The following MAF variants were observed in gnomAD, a reference collection of about 807,000 sequenced individuals.
MAF encodes the protein MAF bZIP transcription factor.
Under a neutral mutation model 22.0 loss-of-function variants are expected in MAF, and 10 were observed. That is an observed-to-expected ratio of 0.45 (90% confidence interval 0.28 to 0.77). The LOEUF is 0.77. MAF is among the 30% of genes least tolerant of loss of function. The pLI is 0.12. For synonymous variants in MAF, 337 were observed against 255.8 expected (o/e 1.32, Z -3.03); for missense variants, 544 against 548.4 (o/e 0.99, Z 0.08).
At chr16:79,366,074 AT>A in the MAF span, among the ~76,000 whole-genome samples, 894 of 152,252 alleles carry the variant, frequency 5.9e-3, 5 homozygotes, top group Non-Finnish European at 9.7e-3. Flanking sequence ...TTTCTGTTGT[AT>A]TTTTTATTCA....
chr16:79,569,383 T>G, the MAF span, among the ~76,000 whole-genome samples: 1 of 152,178 alleles, frequency 6.6e-6, no homozygotes, highest in Non-Finnish European at 1.5e-5. Flanking sequence ...CAGGTGAGTT[T>G]CTCTGGATGG....
chr16:79,227,086 C>A, the MAF span, among the ~76,000 whole-genome samples: 3 of 152,076 alleles, frequency 2.0e-5, no homozygotes, highest in East Asian at 3.9e-4. Context: ...CCAGTTAATC[C>A]CAGCCCTTTG....
chr16:79,326,882 C>T, the MAF span, among the ~76,000 whole-genome samples: 1 of 152,182 alleles, frequency 6.6e-6, no homozygotes, highest in Non-Finnish European at 1.5e-5. Flanking sequence ...AGCCTCTGAA[C>T]AGGAAATGAA....
chr16:79,551,396 C>T, the MAF span, among the ~76,000 whole-genome samples: 1 of 152,178 alleles, frequency 6.6e-6, no homozygotes, highest in African/African-American at 2.4e-5. Flanking sequence ...ATGGCAGAAG[C>T]GCATGCCCTG....
the MAF span, among the ~76,000 whole-genome samples, chr16:79,569,585 G>A: frequency 6.6e-6 from 1 of 152,268 alleles, no homozygotes; most frequent in African/African-American, 2.4e-5. Flanking sequence ...GGAAACTCGG[G>A]GTGAGGCCAT....
the MAF span, among the ~76,000 whole-genome samples, chr16:79,286,490 G>C: frequency 1.1e-4 from 16 of 152,316 alleles, no homozygotes; most frequent in Middle Eastern, 3.4e-3. Flanking sequence ...GCAGTATGCT[G>C]TTTCTCATCT....
chr16:79,452,367 C>T, the MAF span, among the ~76,000 whole-genome samples: 1 of 152,094 alleles, frequency 6.6e-6, no homozygotes, highest in African/African-American at 2.4e-5. Context: ...GCCTTAACTA[C>T]ATATATGCAA....
chr16:79,311,710 A>T, the MAF span, among the ~76,000 whole-genome samples: 2 of 152,096 alleles, frequency 1.3e-5, no homozygotes, highest in East Asian at 3.9e-4. Flanking sequence ...CACAGCTTGG[A>T]TGTTTGGTTT....
the MAF span, among the ~76,000 whole-genome samples, chr16:79,539,436 G>C: frequency 1.3e-5 from 2 of 152,132 alleles, no homozygotes; most frequent in Admixed American, 6.5e-5. Flanking sequence ...CCCAGGAGGT[G>C]GAGGTTGCAG....
chr16:79,518,514 G>T, the MAF span, among the ~76,000 whole-genome samples: 1 of 152,200 alleles, frequency 6.6e-6, no homozygotes, highest in African/African-American at 2.4e-5. Flanking sequence ...CACAGGCTCT[G>T]CAGTCAGCTG....
At chr16:79,351,374 C>G in the MAF span, among the ~76,000 whole-genome samples, 1 of 152,126 alleles carries the variant, frequency 6.6e-6, no homozygotes, top group Non-Finnish European at 1.5e-5. Context: ...CACATCTGAA[C>G]GTGGTCCTCC....
chr16:79,541,104 G>A, the MAF span, among the ~76,000 whole-genome samples: 1 of 152,048 alleles, frequency 6.6e-6, no homozygotes, highest in Non-Finnish European at 1.5e-5. Context: ...TACTAGAGCT[G>A]CTGCTACTGA....
the MAF span, among the ~76,000 whole-genome samples, chr16:79,412,394 C>T: frequency 6.6e-6 from 1 of 152,146 alleles, no homozygotes; most frequent in Non-Finnish European, 1.5e-5. Context: ...TCTGTGTTTC[C>T]TCCATTGTGA....
the MAF span, among the ~76,000 whole-genome samples, chr16:79,443,890 G>T: frequency 6.6e-6 from 1 of 151,920 alleles, no homozygotes; most frequent in South Asian, 2.1e-4. Context: ...TCCCGCAAAT[G>T]GTAAAGCCAC....
At chr16:79,497,418 G>C in the MAF span, among the ~76,000 whole-genome samples, 1 of 152,174 alleles carries the variant, frequency 6.6e-6, no homozygotes, top group Admixed American at 6.5e-5. Context: ...TTAGCTGTGA[G>C]TGCCTCCCAG....
At chr16:79,488,444 G>A in the MAF span, among the ~76,000 whole-genome samples, 1 of 152,054 alleles carries the variant, frequency 6.6e-6, no homozygotes, top group African/African-American at 2.4e-5. Flanking sequence ...TGGGTGGCAA[G>A]TTCTGGAGCC....
the MAF span, among the ~76,000 whole-genome samples, chr16:79,306,405 A>G: frequency 6.6e-6 from 1 of 152,118 alleles, no homozygotes; most frequent in African/African-American, 2.4e-5. Context: ...TGCCTACAAT[A>G]TGTAAGGTTT....
the MAF span, among the ~76,000 whole-genome samples, chr16:79,261,437 G>C: frequency 6.6e-6 from 1 of 152,198 alleles, no homozygotes; most frequent in Non-Finnish European, 1.5e-5. Flanking sequence ...ACGGGCATGA[G>C]CCACCACGCC....
the MAF span, among the ~76,000 whole-genome samples, chr16:79,406,488 T>C: frequency 3.3e-5 from 5 of 152,156 alleles, no homozygotes; most frequent in African/African-American, 7.2e-5. Context: ...TTCAGGTTCA[T>C]AGATGGTGCC....
Sources: gnomAD v4.1 joint callset for allele counts (sites outside exome capture counted in the v4.1 genomes callset) on GRCh38, gnomAD v4.1.1 for gene constraint, MANE v1.5 for transcripts, NCBI Gene and HGNC (gene_info 2026-07-23, HGNC 2026-07-21) for gene names.